Variants in WWTR1 observed in about 807,000 individuals in gnomAD.
WWTR1 encodes the protein WW domain containing transcription regulator 1.
Under a neutral mutation model 40.1 loss-of-function variants are expected in WWTR1, and 13 were observed. The observed-to-expected ratio is 0.32, with a 90% CI of 0.21 to 0.52. The LOEUF (loss-of-function observed/expected upper bound fraction) is 0.52. Among genes scored for constraint, WWTR1 ranks in the 20% least tolerant of loss-of-function variants. The probability of loss-of-function intolerance (pLI) is 0.97; values close to 1 mark genes in which losing one functional copy is unlikely to be tolerated. For missense variants in WWTR1, 436 were observed against 523.1 expected, an observed-to-expected ratio of 0.83 and a Z score of 1.63; for synonymous variants, 230 against 210.1, an observed-to-expected ratio of 1.09 and a Z score of -0.82.
intron 5 of WWTR1, 79 bp downstream of exon 5, chr3:149,527,757 A>C (rs1305682293): frequency 1.9e-6 from 3 of 1,596,914 alleles, no homozygotes; most frequent in Non-Finnish European, 2.6e-6. Flanking sequence ...CCTCTTCCCA[A>C]TGTAAACAAA....
rs977396188 is a variant in WWTR1 at position 149,518,814 on chromosome 3, G to A, written c.*1991C>T. ...GGTGGCAACAGAAAATTGTTGCTTTGTCCTTTTGGGGCATCTCTTGCATCT... is the reference window on the plus strand; with the variant it reads ...GGTGGCAACAGAAAATTGTTGCTTTATCCTTTTGGGGCATCTCTTGCATCT... On this transcript the variant is annotated 3_prime_UTR_variant, in exon 7 of 7. Coordinates refer to ENST00000360632, the MANE Select transcript of WWTR1 (RefSeq NM_015472.6). The A allele has an allele frequency of 3.3e-5, 5 of 151,568 alleles. No homozygotes were observed. The highest frequency in any genetic ancestry group is 1.2e-4 in the African/African-American group (5 of 41,248). The allele number at this position is 151,568 out of a possible 1,614,324, so 9.4% of individuals were successfully genotyped here.
At chr3:149,556,407 C>T (rs1341704738) in intron 3 of WWTR1, among the ~76,000 whole-genome samples, 7 of 152,090 alleles carry the variant, frequency 4.6e-5, no homozygotes, top group Admixed American at 6.6e-5. Context: ...AGTGAAACCC[C>T]GTCTCTACTA....
chr3:149,530,860 A>G (rs1735541385), intron 4 of WWTR1, among the ~76,000 whole-genome samples: 1 of 152,134 alleles, frequency 6.6e-6, no homozygotes, highest in Admixed American at 6.5e-5. Context: ...GGGGGCTCAC[A>G]GTATCATTTT....
intron 4 of WWTR1, 67 bp from the exon 5 acceptor site, chr3:149,528,036 C>A: frequency 1.3e-6 from 2 of 1,543,298 alleles, no homozygotes; most frequent in Non-Finnish European, 1.7e-6. Flanking sequence ...AAGTGTACTT[C>A]ACATCAAAAC....
chr3:149,533,543 C>G (rs560683462), intron 4 of WWTR1, among the ~76,000 whole-genome samples: 44 of 152,312 alleles, frequency 2.9e-4, no homozygotes, highest in Non-Finnish European at 4.9e-4. Context: ...CAGGAACTGC[C>G]TTCTTCTCAA....
At chr3:149,646,264 G>A (rs1414501840) in intron 2 of WWTR1, among the ~76,000 whole-genome samples, 1 of 152,214 alleles carries the variant, frequency 6.6e-6, no homozygotes, top group Non-Finnish European at 1.5e-5. Context: ...TATCTGTGGT[G>A]AAGGACCGGG....
intron 6 of WWTR1, among the ~76,000 whole-genome samples, chr3:149,524,684 G>A (rs77422941): frequency 0.077 from 11,662 of 152,114 alleles, 591 homozygotes; most frequent in African/African-American, 0.14. Flanking sequence ...AAGACGCCAG[G>A]GGAGCAGCTT....
At position 149,657,029 on chromosome 3, in the gene WWTR1, G is replaced by A. The variant is rs1713277213; in HGVS notation, c.278C>T (p.Ser93Phe). The A allele has an allele frequency of 6.3e-7, 1 of 1,586,926 alleles. No homozygotes were observed. The highest frequency in any genetic ancestry group is 8.5e-7 in the Non-Finnish European group (1 of 1,171,662). ...ACCCGCGCCGGTGCCCAGCTGCAGG[G>A]ACGCGGGCGACGAGTGCGAGCGGAC... ...QHVRSHSSPASLQLGTGAGAA... is the reference protein window; with the variant it reads ...QHVRSHSSPAFLQLGTGAGAA... The change falls in exon 2 of 7, where the codon TCC becomes TTC. Residue 93 changes from serine to phenylalanine, a missense_variant. Coordinates refer to ENST00000360632, the MANE Select transcript of WWTR1 (RefSeq NM_015472.6).
intron 2 of WWTR1, among the ~76,000 whole-genome samples, chr3:149,632,830 C>T (rs1355174067): frequency 6.6e-6 from 1 of 152,200 alleles, no homozygotes; most frequent in African/African-American, 2.4e-5. Flanking sequence ...ATTCAATTTA[C>T]ATACAATTTC....
chr3:149,598,801 A>G (rs1485305396), intron 2 of WWTR1, among the ~76,000 whole-genome samples: 1 of 152,218 alleles, frequency 6.6e-6, no homozygotes, highest in Non-Finnish European at 1.5e-5. Context: ...ATCCATAAGC[A>G]TAAGCTTTTC....
chr3:149,667,469 A>G (rs1366663625), intron 2 of WWTR1, among the ~76,000 whole-genome samples: 1 of 151,616 alleles, frequency 6.6e-6, no homozygotes, highest in Non-Finnish European at 1.5e-5. Flanking sequence ...AATGGCGTGA[A>G]CCCAGGAGGT....
chr3:149,526,424 C>T lies in WWTR1; in HGVS notation c.906-299G>A, dbSNP rs575034638. Reference sequence around the variant, plus strand: ...TATGTAAAACTTTAAAAAAAAAAAACAAAAACTATGTTGAATATTGCTTAT... The same window carrying T: ...TATGTAAAACTTTAAAAAAAAAAAATAAAAACTATGTTGAATATTGCTTAT... On this transcript the variant is annotated intron_variant, in intron 5 of 6. Coordinates refer to ENST00000360632, the MANE Select transcript of WWTR1 (RefSeq NM_015472.6). 1.2e-4 allele frequency among the ~76,000 whole-genome samples: 17 copies of T among 145,126 alleles called. No homozygotes were observed. In the East Asian group the frequency reaches 3.6e-3, roughly 30 times the overall value.
At chr3:149,527,349 GT>G (rs1231070041) in intron 5 of WWTR1, among the ~76,000 whole-genome samples, 1 of 151,906 alleles carries the variant, frequency 6.6e-6, no homozygotes, top group Non-Finnish European at 1.5e-5. Flanking sequence ...GTTTCTCCAT[GT>G]TGGTCAGGCT....
At position 149,551,309 on chromosome 3, in the gene WWTR1, A is replaced by G. The variant is rs1347853555; in HGVS notation, c.569-8772T>C. 2.1e-5 allele frequency among the ~76,000 whole-genome samples: 3 copies of G among 144,666 alleles called. 1 individual carries two copies. Among genetic ancestry groups the G allele is most frequent in the Admixed American group, 2.1e-4 (3 of 14,498 alleles). The allele number at this position is 144,666 out of a possible 152,430, so 94.9% of individuals were successfully genotyped here. On this transcript the variant is annotated intron_variant, in intron 3 of 6. Coordinates refer to ENST00000360632, the MANE Select transcript of WWTR1 (RefSeq NM_015472.6). ...GTGAAACTTCGTCTCCAAAAAAAAA[A>G]GAGTAGAACAGGTAGAGGCTGACAT...
intron 6 of WWTR1, among the ~76,000 whole-genome samples, chr3:149,522,326 A>G (rs1735091314): frequency 6.6e-6 from 1 of 152,180 alleles, no homozygotes; most frequent in African/African-American, 2.4e-5. Flanking sequence ...ATCCTTCCAA[A>G]TGATGAAGGA....
intron 5 of WWTR1, among the ~76,000 whole-genome samples, chr3:149,527,599 C>A (rs892027547): frequency 5.9e-5 from 9 of 152,148 alleles, no homozygotes; most frequent in African/African-American, 2.2e-4. Context: ...TTTTCAAATT[C>A]TTGACTAGGG....
chr3:149,602,319 G>T (rs933038381), intron 2 of WWTR1, among the ~76,000 whole-genome samples: 9 of 152,148 alleles, frequency 5.9e-5, no homozygotes, highest in African/African-American at 2.2e-4. Flanking sequence ...ATTTTTGCTA[G>T]CAACTATTTT....
chr3:149,572,517 G>A (rs1737686402), intron 3 of WWTR1, among the ~76,000 whole-genome samples: 1 of 152,112 alleles, frequency 6.6e-6, no homozygotes, highest in Admixed American at 6.5e-5. Flanking sequence ...TGAGTTGGTG[G>A]TAAAGAGACC....
At chr3:149,645,460 C>G (rs1230277737) in intron 2 of WWTR1, among the ~76,000 whole-genome samples, 1 of 152,218 alleles carries the variant, frequency 6.6e-6, no homozygotes, top group East Asian at 1.9e-4. Flanking sequence ...GTATGAGCCA[C>G]TGCTCAGCCC....
Sources: gnomAD v4.1 joint callset for allele counts (sites outside exome capture counted in the v4.1 genomes callset) on GRCh38, gnomAD v4.1.1 for gene constraint, MANE v1.5 for transcripts, NCBI Gene and HGNC (gene_info 2026-07-23, HGNC 2026-07-21) for gene names.